The following DNAJC10 variants were observed in gnomAD, a reference collection of about 807,000 sequenced individuals.
DNAJC10 encodes the protein endoplasmic reticulum disulfide reductase DNAJC10.
Under a neutral mutation model 115.0 loss-of-function variants are expected in DNAJC10, and 101 were observed. The ratio of observed to expected loss-of-function variants is 0.88; its 90% CI spans 0.75 to 1.04. The LOEUF (loss-of-function observed/expected upper bound fraction) is 1.04. DNAJC10 is among the 50% of genes least tolerant of loss of function. The pLI is 0.00. For synonymous variants in DNAJC10, 307 were observed against 301.5 expected (o/e 1.02, Z -0.19); for missense variants, 981 against 928.8 (o/e 1.06, Z -0.73).
intron 22 of DNAJC10, among the ~76,000 whole-genome samples, chr2:182,771,085 T>A (rs1461132933): frequency 6.6e-6 from 1 of 152,180 alleles, no homozygotes; most frequent in African/African-American, 2.4e-5. Flanking sequence ...TGTCTTTGGT[T>A]CTGTTTATGT....
intron 5 of DNAJC10, among the ~76,000 whole-genome samples, chr2:182,725,684 T>G (rs2105614487): frequency 6.6e-6 from 1 of 152,240 alleles, no homozygotes; most frequent in East Asian, 1.9e-4. Context: ...AAAGGTTGGT[T>G]CATGAGGTTT....
At chr2:182,752,424 G>A (rs1183058572) in intron 16 of DNAJC10, 3 of 342,420 alleles carry the variant, frequency 8.8e-6, no homozygotes, top group Non-Finnish European at 1.4e-5. Context: ...TCAAACTCAG[G>A]CAACTATTTT....
At chr2:182,745,383 C>T (rs1469123744) in intron 14 of DNAJC10, among the ~76,000 whole-genome samples, 2 of 152,200 alleles carry the variant, frequency 1.3e-5, no homozygotes, top group Admixed American at 6.5e-5. Flanking sequence ...ATTTTTCCTC[C>T]TGCATTATAA....
chr2:182,741,123 T>C (rs1187003843), intron 12 of DNAJC10, 120 bp from the exon 13 acceptor site: 12 of 647,892 alleles, frequency 1.9e-5, no homozygotes, highest in Non-Finnish European at 2.9e-5. Context: ...GTCCGAATTT[T>C]AGACAGTATT....
chr2:182,728,435 ACAT>A (rs1321868928), intron 5 of DNAJC10, 138 bp from the exon 6 acceptor site: 4 of 555,518 alleles, frequency 7.2e-6, no homozygotes, highest in Non-Finnish European at 1.2e-5. Context: ...ATATAGAAAA[ACAT>A]CACACAGAAA....
intron 8 of DNAJC10, chr2:182,730,588 G>A (rs1034536520): frequency 2.2e-6 from 1 of 451,080 alleles, no homozygotes; most frequent in African/African-American, 2.0e-5. Context: ...AAGAGAAAGA[G>A]TTAGAAAATA....
chr2:182,757,866 T>A, intron 19 of DNAJC10, 41 bp downstream of exon 19: 3 of 1,180,060 alleles, frequency 2.5e-6, no homozygotes, highest in Non-Finnish European at 3.6e-6. Context: ...ATTATAATTA[T>A]TTAATTATAC....
rs1694901968 is a variant in DNAJC10 at position 182,783,998 on chromosome 2, A to G, written c.*6866A>G. 1 of 152,210 alleles carries G rather than the reference A, an allele frequency of 6.6e-6. No homozygotes were observed. Among genetic ancestry groups the G allele is most frequent in the South Asian group, 2.1e-4 (1 of 4,832 alleles). The allele number at this position is 152,210 out of a possible 1,614,324, so 9.4% of individuals were successfully genotyped here. A position where few individuals can be genotyped will look rare whatever the true frequency, so the allele number is the denominator to read the frequency against. On this transcript the variant is annotated 3_prime_UTR_variant, in exon 24 of 24. Transcript: ENST00000264065. ...TAATAAATTCAAGATGCAAAAAGAAAACCTATTTCACTACCGAAATTAAAT... is the reference window on the plus strand; with the variant it reads ...TAATAAATTCAAGATGCAAAAAGAAGACCTATTTCACTACCGAAATTAAAT...
chr2:182,722,070 A>G lies in DNAJC10; in HGVS notation c.413A>G (p.Glu138Gly), dbSNP rs1194531015. The part of the protein sequence containing the change: ...DPEIITLERR[E>G]FDAAVNSGEL... ...GAAATCATAACATTGGAAAGAAGAG[A>G]ATTTGGTAAGTTTGTGGGCTTAAGG... Residue 138 changes from glutamate (E) to glycine (G), a missense_variant, in exon 5 of 24, where the codon GAA becomes GGA. Coordinates refer to ENST00000264065, the MANE Select transcript of DNAJC10 (RefSeq NM_018981.4). 1.3e-6 allele frequency: 2 copies of G among 1,564,968 alleles called. No individual in the cohort carries two copies. The highest frequency in any genetic ancestry group is 1.7e-6 in the Non-Finnish European group (2 of 1,151,028).
At chr2:182,730,881 T>G in intron 8 of DNAJC10, 149 bp from the exon 9 acceptor site, 1 of 559,660 alleles carries the variant, frequency 1.8e-6, no homozygotes, top group Non-Finnish European at 3.2e-6. Context: ...TTTGTCATAC[T>G]CAAGAGTATC....
At chr2:182,766,574 C>A (rs914611683) in intron 22 of DNAJC10, among the ~76,000 whole-genome samples, 1 of 152,068 alleles carries the variant, frequency 6.6e-6, no homozygotes, top group African/African-American at 2.4e-5. Context: ...CCCACAGAGG[C>A]CTGGGGCAGG....
Position 182,756,396 on chromosome 2 carries a change from G to C in DNAJC10, c.1736G>C (p.Trp579Ser). The C allele has an allele frequency of 6.2e-7, 1 of 1,613,838 alleles. No homozygotes were observed. The highest frequency in any genetic ancestry group is 8.5e-7 in the Non-Finnish European group (1 of 1,179,914). ...LVTQRKHNEV[W>S]MVDFYSPWCH... ...ACACAAAGAAAACACAACGAAGTCT[G>C]GATGGTTGATTTCTATTCTCCGTGG... is the stretch of plus-strand genomic sequence containing the variant. Residue 579 changes from tryptophan (W) to serine (S), a missense_variant, in exon 18 of 24, where the codon TGG (tryptophan) becomes TCG (serine). By Grantham distance (177) the Trp-to-Ser change is radical. Coordinates refer to ENST00000264065, the MANE Select transcript of DNAJC10 (RefSeq NM_018981.4).
rs2105733669 is a variant in DNAJC10, at chr2:182,793,528, G to C, written c.*16396G>C. 1 of 152,212 alleles carries C rather than the reference G, an allele frequency of 6.6e-6. No individual in the cohort carries two copies. The highest frequency in any genetic ancestry group is 1.5e-5 in the Non-Finnish European group (1 of 68,024). The allele number at this position is 152,212 out of a possible 1,614,324, so 9.4% of individuals were successfully genotyped here. A position where few individuals can be genotyped will look rare whatever the true frequency, so the allele number is the denominator to read the frequency against. ...GCGAGGTATGCAGTGAACATTCATAGACAGAAAACAAAAATTAAGTACAGA... is the reference window on the plus strand; with the variant it reads ...GCGAGGTATGCAGTGAACATTCATACACAGAAAACAAAAATTAAGTACAGA... On this transcript the variant is annotated 3_prime_UTR_variant, in exon 24 of 24. Coordinates refer to ENST00000264065, the MANE Select transcript of DNAJC10 (RefSeq NM_018981.4).
At position 182,752,179 on chromosome 2, in the gene DNAJC10, C is replaced by G. The variant is rs555768108; in HGVS notation, c.1542C>G (p.Leu514=). The change falls in exon 16 of 24, where the codon CTC becomes CTG. Residue 514 remains leucine, a synonymous_variant. Coordinates refer to ENST00000264065, the MANE Select transcript of DNAJC10 (RefSeq NM_018981.4). ...GTLDCTVHEG[L]CNMYNIQAYP... ...TAGATTGTACAGTTCATGAGGGACTCTGTAACATGGTAAGGCAAAGTATCA... is the reference window on the plus strand; with the variant it reads ...TAGATTGTACAGTTCATGAGGGACTGTGTAACATGGTAAGGCAAAGTATCA... 2.0e-6 allele frequency: 3 copies of G among 1,514,148 alleles called. No individual in the cohort carries two copies. The Admixed American group carries it at 5.4e-5, about 27-fold the overall frequency. The allele number at this position is 1,514,148 out of a possible 1,614,324, so 93.8% of individuals were successfully genotyped here. A position where few individuals can be genotyped will look rare whatever the true frequency, so the allele number is the denominator to read the frequency against.
chr2:182,747,272 G>A (rs544074233), intron 14 of DNAJC10, among the ~76,000 whole-genome samples: 3 of 151,766 alleles, frequency 2.0e-5, no homozygotes, highest in Non-Finnish European at 4.4e-5. Flanking sequence ...GTGAAGAAAG[G>A]CATTGGTAGC....
chr2:182,772,568 A>G (rs759364218), intron 22 of DNAJC10, among the ~76,000 whole-genome samples: 1 of 152,224 alleles, frequency 6.6e-6, no homozygotes, highest in African/African-American at 2.4e-5. Flanking sequence ...ACCATTATGT[A>G]ATAGCCTTCT....
At chr2:182,762,454 C>A (rs759438373) in intron 21 of DNAJC10, among the ~76,000 whole-genome samples, 5 of 152,038 alleles carry the variant, frequency 3.3e-5, no homozygotes, top group Non-Finnish European at 7.4e-5. Flanking sequence ...GATAAAGCTG[C>A]TCAGTTTTCT....
At chr2:182,754,716 G>A (rs1694112573) in intron 16 of DNAJC10, 1 of 1,104,386 alleles carries the variant, frequency 9.1e-7, no homozygotes, top group African/African-American at 1.6e-5. Context: ...AGTAAAAAGG[G>A]ACCATTCGTA....
At chr2:182,726,630 C>T (rs1291886118) in intron 5 of DNAJC10, among the ~76,000 whole-genome samples, 3 of 152,194 alleles carry the variant, frequency 2.0e-5, no homozygotes, top group African/African-American at 7.2e-5. Flanking sequence ...TTGCCACAGC[C>T]ACCCCAACCT....
Sources: allele counts gnomAD v4.1 joint callset (sites outside exome capture counted in the v4.1 genomes callset), GRCh38; gene constraint gnomAD v4.1.1; transcripts MANE v1.5; gene names NCBI Gene and HGNC (gene_info 2026-07-23, HGNC 2026-07-21).